Variants in GOLPH3 observed in about 807,000 individuals in gnomAD.
The protein encoded by GOLPH3 is golgi phosphoprotein 3.
A neutral mutation model predicts 28.5 loss-of-function variants in GOLPH3; 14 were observed. The ratio of observed to expected loss-of-function variants is 0.49; its 90% CI spans 0.32 to 0.77. The LOEUF is 0.77. Among genes scored for constraint, GOLPH3 ranks in the 30% least tolerant of loss-of-function variants. GOLPH3 has a pLI of 0.03. For missense variants in GOLPH3, 350 were observed against 393.7 expected (o/e 0.89, Z 0.94); for synonymous variants, 158 against 159.2 (o/e 0.99, Z 0.06).
chr5:32,168,475 T>C (rs867267513), intron 1 of GOLPH3, among the ~76,000 whole-genome samples: 1 of 152,324 alleles, frequency 6.6e-6, no homozygotes, highest in Middle Eastern at 3.4e-3. Flanking sequence ...AGAGTTAAGT[T>C]ACTGTATTAC....
intron 2 of GOLPH3, among the ~76,000 whole-genome samples, chr5:32,138,333 G>C (rs1469932802): frequency 6.6e-6 from 1 of 152,148 alleles, no homozygotes; most frequent in South Asian, 2.1e-4. Flanking sequence ...ATCATGACCA[G>C]CAGAAATATA....
chr5:32,144,990 G>GGAGA (rs1458875887), intron 1 of GOLPH3, among the ~76,000 whole-genome samples: 1 of 152,190 alleles, frequency 6.6e-6, no homozygotes, highest in African/African-American at 2.4e-5. Flanking sequence ...AATTTTGGTA[G>GGAGA]GAGAACAGGC....
In GOLPH3 at chr5:32,143,859, C is replaced by A; in HGVS notation, c.247G>T (p.Asp83Tyr). 1 of 1,573,374 alleles carries A rather than the reference C, an allele frequency of 6.4e-7. No homozygotes were observed. Among genetic ancestry groups the A allele is most frequent in the South Asian group, 1.2e-5 (1 of 83,704 alleles). ...CCACGTAATCCAGATGATATACAGTCATTCCAAAATGATGTGTAACCCTAT... is the reference window on the plus strand; with the variant it reads ...CCACGTAATCCAGATGATATACAGTAATTCCAAAATGATGTGTAACCCTAT... ...DREGYTSFWN[D>Y]CISSGLRGCM... The change falls in exon 2 of 4, where the codon GAC becomes TAC. Residue 83 changes from aspartate (D) to tyrosine (Y), a missense_variant. Physicochemically the swap from Asp to Tyr is radical, Grantham distance 160 (BLOSUM62 -3). Coordinates refer to ENST00000265070, the MANE Select transcript of GOLPH3 (RefSeq NM_022130.4).
intron 1 of GOLPH3, among the ~76,000 whole-genome samples, chr5:32,148,001 A>T (rs1380196143): frequency 6.6e-6 from 1 of 152,204 alleles, no homozygotes; most frequent in Non-Finnish European, 1.5e-5. Flanking sequence ...TTACTTAATT[A>T]TGTACAATTA....
chr5:32,170,782 A>T (rs1002141875), intron 1 of GOLPH3, among the ~76,000 whole-genome samples: 5 of 152,062 alleles, frequency 3.3e-5, no homozygotes, highest in Non-Finnish European at 4.4e-5. Flanking sequence ...AAAAAAAAAA[A>T]TTTTAAAGAT....
chr5:32,155,956 C>CAAAAAAAAAAA (rs70961608), intron 1 of GOLPH3, among the ~76,000 whole-genome samples: 9 of 47,818 alleles, frequency 1.9e-4, no homozygotes, highest in Non-Finnish European at 3.0e-4. Flanking sequence ...AACACTGTCT[C>CAAAAAAAAAAA]AAAAAAAAAA....
In GOLPH3 at chr5:32,174,008, G is replaced by A. The variant is rs1397298141; in HGVS notation, c.27C>T (p.Ser9=). 13 of 1,321,606 alleles carry A rather than the reference G, an allele frequency of 9.8e-6. No individual in the cohort carries two copies. Among genetic ancestry groups the A allele is most frequent in the Admixed American group, 4.1e-5 (1 of 24,112 alleles). 81.9% of individuals were successfully genotyped at this position (1,321,606 alleles called of 1,614,324 possible). MTSLTQRS[S]GLVQRRTEAS... ...CCTCGGTGCGCCGCTGCACCAGGCC[G>A]GAGCTGCGCTGGGTCAGCGAGGTCA... Residue 9 remains serine (S), a synonymous_variant, in exon 1 of 4, where the codon TCC becomes TCT. Transcript: ENST00000265070.
At position 32,173,866 on chromosome 5, in the gene GOLPH3, C is replaced by A; in HGVS notation, c.169G>T (p.Glu57Ter). 1 of 1,527,918 alleles carries A rather than the reference C, an allele frequency of 6.5e-7. No homozygotes were observed. The highest frequency in any genetic ancestry group is 8.8e-7 in the Non-Finnish European group (1 of 1,140,484). The allele number at this position is 1,527,918 out of a possible 1,614,324, so 94.6% of individuals were successfully genotyped here. The stretch of plus-strand genomic sequence containing the variant: ...TCCTCCATCAGGGTCAGCCGCGTTT[C>A]CTTGGAGTCGCCCTTGTCGTCGTCG... ...QDDDDKGDSK[E>*]TRLTLMEEVL... Residue 57 changes from glutamate to a stop codon, truncating the protein, a stop_gained, in exon 1 of 4, where the codon GAA becomes TAA. Transcript: ENST00000265070. LOFTEE classifies it high-confidence loss of function.
intron 1 of GOLPH3, among the ~76,000 whole-genome samples, chr5:32,165,438 C>T (rs1421712296): frequency 6.6e-5 from 10 of 152,006 alleles, no homozygotes; most frequent in Admixed American, 6.6e-4. Context: ...CAAAAAGTAC[C>T]CCTGTGTGGT....
At chr5:32,152,791 A>C (rs1417449936) in intron 1 of GOLPH3, among the ~76,000 whole-genome samples, 1 of 151,768 alleles carries the variant, frequency 6.6e-6, no homozygotes, top group Non-Finnish European at 1.5e-5. Flanking sequence ...CAAAAAAAAA[A>C]CAAAAACAAA....
At chr5:32,141,284 T>A (rs974007661) in intron 2 of GOLPH3, among the ~76,000 whole-genome samples, 4 of 152,152 alleles carry the variant, frequency 2.6e-5, no homozygotes, top group Non-Finnish European at 4.4e-5. Context: ...ATTAGGACAC[T>A]GATTTAGGAA....
At chr5:32,131,561 G>A (rs1297271868) in intron 3 of GOLPH3, among the ~76,000 whole-genome samples, 2 of 152,300 alleles carry the variant, frequency 1.3e-5, no homozygotes, top group South Asian at 2.1e-4. Context: ...ATTAAAAGAC[G>A]TTACTGCGAT....
At chr5:32,157,298 A>G (rs1197949688) in intron 1 of GOLPH3, among the ~76,000 whole-genome samples, 43 of 152,112 alleles carry the variant, frequency 2.8e-4, no homozygotes, top group Admixed American at 2.8e-3. Context: ...TTTTCCCACC[A>G]GTCTCCTCCG....
At chr5:32,132,135 G>GTCCCA (rs1745838326) in intron 3 of GOLPH3, among the ~76,000 whole-genome samples, 1 of 152,202 alleles carries the variant, frequency 6.6e-6, no homozygotes, top group African/African-American at 2.4e-5. Flanking sequence ...CAGCCTGGGT[G>GTCCCA]ATGGCGAGAC....
intron 1 of GOLPH3, among the ~76,000 whole-genome samples, chr5:32,165,970 C>A (rs1049009632): frequency 6.6e-6 from 1 of 152,142 alleles, no homozygotes; most frequent in South Asian, 2.1e-4. Flanking sequence ...AAAGAAAAGA[C>A]GAAAACCTTA....
rs574319503 is a variant in GOLPH3, at chr5:32,167,375, T to C, written c.225+6435A>G. Among the ~76,000 whole-genome samples, 12 of 152,252 alleles carry C rather than the reference T, an allele frequency of 7.9e-5. No individual in the cohort carries two copies. The South Asian group carries it at 2.3e-3, about 29-fold the overall frequency. On this transcript the variant is annotated intron_variant, in intron 1 of 3. Transcript: ENST00000265070. ...TTAATAGAGACAGGGGTTCACCATG[T>C]TGGCCAGGCTTGTCTTGAACTCCTG...
In GOLPH3 at chr5:32,140,652, ACACT is replaced by A. The variant is rs1746036595; in HGVS notation, c.357+3093_357+3096del. 2.7e-5 allele frequency among the ~76,000 whole-genome samples: 4 copies of A among 149,758 alleles called. No individual in the cohort carries two copies. The South Asian group carries it at 8.5e-4, about 32-fold the overall frequency. Reference sequence around the variant, plus strand: ...GCACTCCAGCCTGGGTGATAGAGTGACACTCAGTCTCAGAAAAAAAAAAAAAAAA... The same window carrying A: ...GCACTCCAGCCTGGGTGATAGAGTGACAGTCTCAGAAAAAAAAAAAAAAAA... On this transcript the variant is annotated intron_variant, in intron 2 of 3. Transcript: ENST00000265070.
intron 1 of GOLPH3, among the ~76,000 whole-genome samples, chr5:32,154,938 C>A (rs1486657187): frequency 6.6e-6 from 1 of 152,008 alleles, no homozygotes; most frequent in Non-Finnish European, 1.5e-5. Flanking sequence ...CAAAAATTAG[C>A]CAGGCGTGGT....
intron 1 of GOLPH3, among the ~76,000 whole-genome samples, chr5:32,166,197 AT>A (rs1175740779): frequency 1.3e-5 from 2 of 152,174 alleles, no homozygotes; most frequent in African/African-American, 4.8e-5. Flanking sequence ...AAATAAGTAA[AT>A]TTTTTTGTTG....
Sources: gnomAD v4.1 joint callset for allele counts (sites outside exome capture counted in the v4.1 genomes callset) on GRCh38, gnomAD v4.1.1 for gene constraint, MANE v1.5 for transcripts, NCBI Gene and HGNC (gene_info 2026-07-23, HGNC 2026-07-21) for gene names.